Variants in TBCD observed in about 807,000 individuals in gnomAD.
TBCD encodes tubulin folding cofactor D, also known as tubulin-specific chaperone D.
A neutral mutation model predicts 169.3 loss-of-function variants in TBCD; 105 were observed. That is an observed-to-expected ratio of 0.62 (90% confidence interval 0.53 to 0.73). The LOEUF (loss-of-function observed/expected upper bound fraction) is 0.73, where lower values mean the gene tolerates loss of function less well. Ranked by LOEUF, TBCD falls within the 30% of genes least tolerant of loss-of-function variation. TBCD has a pLI of 0.00. For synonymous variants in TBCD, 700 were observed against 643.9 expected, an observed-to-expected ratio of 1.09 and a Z score of -1.32; for missense variants, 1,444 against 1,600.1, an observed-to-expected ratio of 0.90 and a Z score of 1.66.
At chr17:82,859,086 G>T (rs1240335113) in intron 13 of TBCD, among the ~76,000 whole-genome samples, 1 of 152,030 alleles carries the variant, frequency 6.6e-6, no homozygotes, top group Non-Finnish European at 1.5e-5. Context: ...CTGGCTTTTA[G>T]GGAAAGAGAG....
In TBCD at chr17:82,922,942, G is replaced by T. The variant is rs1252828913; in HGVS notation, c.2179-710G>T. The stretch of plus-strand genomic sequence containing the variant: ...TGGCACTGAGCCCCGCACGCGGCGG[G>T]ACTGGTGACTCTCTGCCCGCTCCTG... On this transcript the variant is annotated intron_variant, in intron 25 of 38. Transcript: ENST00000355528. This position sits in a 1 kb window ranked among gnomAD's most constrained non-coding sequence, Gnocchi z 4.1. Among the ~76,000 whole-genome samples the T allele has an allele frequency of 6.6e-6, 1 of 152,244 alleles. No individual in the cohort carries two copies. Among genetic ancestry groups the T allele is most frequent in the Non-Finnish European group, 1.5e-5 (1 of 68,038 alleles).
rs575747053 is a variant in TBCD at position 82,782,027 on chromosome 17, C to G, written c.771+306C>G. On this transcript the variant is annotated intron_variant, in intron 7 of 38. Coordinates refer to ENST00000355528, the MANE Select transcript of TBCD (RefSeq NM_005993.5). The surrounding 1 kb of genome is among the most constrained non-coding windows in gnomAD (Gnocchi z 5.1). ...TTCTCTGCATCTGGGCTGCTTAGTTCCTGTTTAAGTGCAGAGACTGAACGA... is the reference window on the plus strand; with the variant it reads ...TTCTCTGCATCTGGGCTGCTTAGTTGCTGTTTAAGTGCAGAGACTGAACGA... Among the ~76,000 whole-genome samples the G allele has an allele frequency of 3.9e-5, 6 of 152,312 alleles. No homozygotes were observed. The highest frequency in any genetic ancestry group is 1.2e-4 in the African/African-American group (5 of 41,570).
chr17:82,794,470 G>C (rs1398099402), intron 7 of TBCD, among the ~76,000 whole-genome samples: 7 of 152,234 alleles, frequency 4.6e-5, no homozygotes, highest in Non-Finnish European at 8.8e-5. Context: ...CCTCTGTCTA[G>C]TGTATGCTTT....
rs569516005 is a variant in TBCD, at chr17:82,939,323, C to T, written c.3370-44C>T. 4.6e-5 allele frequency: 69 copies of T among 1,499,412 alleles called. 1 individual carries two copies. The highest frequency in any genetic ancestry group is 4.5e-4 in the South Asian group (38 of 84,850). 92.9% of individuals were successfully genotyped at this position (1,499,412 alleles called of 1,614,324 possible). On this transcript the variant is annotated intron_variant, in intron 36 of 38. Transcript: ENST00000355528. ...GTCCTGTCGTCTCTCCGGGGTGGGG[C>T]GGTGGCGCTTCCCTCCGGCAAATGC...
intron 23 of TBCD, 117 bp downstream of exon 23, chr17:82,911,906 G>C: frequency 9.7e-7 from 1 of 1,034,538 alleles, no homozygotes; most frequent in East Asian, 2.6e-5. Flanking sequence ...GGCTGGGTGT[G>C]TTTCTTCTGT....
intron 18 of TBCD, among the ~76,000 whole-genome samples, chr17:82,901,990 C>T (rs1402981376): frequency 2.0e-5 from 3 of 152,172 alleles, no homozygotes; most frequent in African/African-American, 7.2e-5. Context: ...CTGTGGGACT[C>T]TCCAGCTGGT....
intron 33 of TBCD, 54 bp from the exon 34 acceptor site, chr17:82,932,604 G>A: frequency 6.7e-7 from 1 of 1,487,390 alleles, no homozygotes; most frequent in Non-Finnish European, 9.3e-7. Context: ...CATTCAGGGA[G>A]TTGGGCGTCC....
chr17:82,888,297 G>C (rs760644446), intron 15 of TBCD, among the ~76,000 whole-genome samples: 1 of 152,206 alleles, frequency 6.6e-6, no homozygotes, highest in African/African-American at 2.4e-5. Flanking sequence ...GTCAGCCTTC[G>C]CACTGGGCAG....
chr17:82,810,839 G>A (rs1361830875), intron 12 of TBCD, among the ~76,000 whole-genome samples: 1 of 152,314 alleles, frequency 6.6e-6, no homozygotes, highest in South Asian at 2.1e-4. Flanking sequence ...CAGTCACCAG[G>A]GACAGCTCCG....
intron 13 of TBCD, chr17:82,830,703 C>G (rs1160343014): frequency 6.2e-7 from 1 of 1,614,058 alleles, no homozygotes; most frequent in Admixed American, 1.7e-5. Context: ...CGGTTTCCGC[C>G]TGGGGGCTGC....
intron 13 of TBCD, among the ~76,000 whole-genome samples, chr17:82,836,242 C>G (rs942970942): frequency 1.2e-4 from 18 of 152,258 alleles, no homozygotes; most frequent in Admixed American, 7.2e-4. Context: ...GGCCAGCCAG[C>G]TCAGTCAGTG....
chr17:82,937,122 C>T (rs939497448), intron 34 of TBCD, 149 bp from the exon 35 acceptor site: 9 of 650,274 alleles, frequency 1.4e-5, no homozygotes, highest in African/African-American at 7.3e-5. Flanking sequence ...TGGGGACCAG[C>T]GGACTTGCTG....
At chr17:82,937,184 G>A (rs1016594547) in intron 34 of TBCD, 87 bp from the exon 35 acceptor site, 19 of 1,236,578 alleles carry the variant, frequency 1.5e-5, no homozygotes, top group East Asian at 4.7e-5. Context: ...CTGGGAGGAC[G>A]GAGTTGACCT....
rs574774139 is a variant in TBCD, at chr17:82,763,765, G to A, written c.236-200G>A. On this transcript the variant is annotated intron_variant, in intron 2 of 38. Transcript: ENST00000355528. ...CAAAAAAAAAGAAAAAAAAGAGACGGGTTTTGCTCTGTTGCCCAGGCTGGA... is the reference window on the plus strand; with the variant it reads ...CAAAAAAAAAGAAAAAAAAGAGACGAGTTTTGCTCTGTTGCCCAGGCTGGA... Among the ~76,000 whole-genome samples, 494 of 152,128 alleles carry A rather than the reference G, an allele frequency of 3.2e-3. 2 individuals are homozygous for A. Among genetic ancestry groups the A allele is most frequent in the Non-Finnish European group, 4.8e-3 (323 of 67,996 alleles).
intron 13 of TBCD, among the ~76,000 whole-genome samples, chr17:82,850,376 T>TTGTTGGCTGTCC (rs1192941103): frequency 3.3e-5 from 5 of 149,530 alleles, no homozygotes; most frequent in Admixed American, 2.0e-4. Flanking sequence ...GGCTGTCCTG[T>TTGTTGGCTGTCC]TGTTGGCTGT....
intron 6 of TBCD, among the ~76,000 whole-genome samples, chr17:82,780,647 T>TTTTG (rs1244570088): frequency 6.9e-6 from 1 of 144,096 alleles, no homozygotes; most frequent in Non-Finnish European, 1.5e-5. Flanking sequence ...GACTTGGGCT[T>TTTTG]TTTTTTTTTT....
At chr17:82,804,905 C>T (rs572240047) in intron 9 of TBCD, among the ~76,000 whole-genome samples, 8 of 152,338 alleles carry the variant, frequency 5.3e-5, no homozygotes, top group African/African-American at 9.6e-5. Flanking sequence ...ATGAGTCATT[C>T]GAAGCAGGTT....
Position 82,903,459 on chromosome 17 carries a change from C to A in TBCD, c.1785C>A (p.Pro595=). ...RALHNLAQQA[P]EFSATQVFPR... is the part of the protein sequence containing the mutation. The stretch of plus-strand genomic sequence containing the variant: ...TGCACAACCTGGCCCAGCAGGCACC[C>A]GAGTTCAGCGCCACGCAAGGTGGGT... Residue 595 remains proline (P), a synonymous_variant, in exon 19 of 39, where the codon CCC becomes CCA. Transcript: ENST00000355528. The surrounding 1 kb of genome is among the most constrained non-coding windows in gnomAD (Gnocchi z 4.8). 6.3e-7 allele frequency: 1 copy of A among 1,598,292 alleles called. No individual in the cohort carries two copies. The highest frequency in any genetic ancestry group is 1.7e-5 in the Admixed American group (1 of 57,988).
intron 7 of TBCD, among the ~76,000 whole-genome samples, chr17:82,786,148 G>A (rs1004135263): frequency 3.3e-5 from 5 of 152,102 alleles, no homozygotes. Flanking sequence ...TCTGCACCTG[G>A]AACCAGGTGG....
Sources: gnomAD v4.1 joint callset for allele counts (sites outside exome capture counted in the v4.1 genomes callset) on GRCh38, gnomAD v4.1.1 for gene constraint, Gnocchi (gnomAD v3.1) non-coding constraint, MANE v1.5 for transcripts, NCBI Gene and HGNC (gene_info 2026-07-23, HGNC 2026-07-21) for gene names.